Variants in SEC24D observed in about 807,000 individuals in gnomAD.
The protein encoded by SEC24D is protein transport protein Sec24D.
In SEC24D, 69 loss-of-function variants were observed where a neutral mutation model predicts 116.9. The observed-to-expected ratio is 0.59, with a 90% CI of 0.49 to 0.72. The LOEUF is 0.72. SEC24D is among the 30% of genes least tolerant of loss of function. SEC24D has a pLI of 0.00. For synonymous variants in SEC24D, 405 were observed against 442.8 expected (o/e 0.91, Z 1.07); for missense variants, 1,131 against 1,264.1 (o/e 0.89, Z 1.60).
At chr4:118,765,210 T>C (rs1017275418) in intron 9 of SEC24D, among the ~76,000 whole-genome samples, 20 of 152,360 alleles carry the variant, frequency 1.3e-4, no homozygotes, top group East Asian at 3.9e-4. Context: ...CCAAATTCAA[T>C]TGTCCCCATT....
At chr4:118,809,544 C>G (rs1729816618) in intron 6 of SEC24D, among the ~76,000 whole-genome samples, 1 of 152,156 alleles carries the variant, frequency 6.6e-6, no homozygotes, top group Admixed American at 6.5e-5. Context: ...CTGACCATCA[C>G]TATATCATTA....
intron 19 of SEC24D, chr4:118,733,272 A>T (rs1214853273): frequency 1.2e-5 from 2 of 172,414 alleles, no homozygotes; most frequent in Admixed American, 5.9e-5. Context: ...AATATGGAAT[A>T]ATAGTATATC....
intron 3 of SEC24D, among the ~76,000 whole-genome samples, chr4:118,821,665 T>C (rs751062483): frequency 2.4e-4 from 37 of 152,248 alleles, no homozygotes; most frequent in Non-Finnish European, 4.7e-4. Flanking sequence ...TTTGGTATAC[T>C]AAGTACAAAT....
intron 3 of SEC24D, among the ~76,000 whole-genome samples, chr4:118,819,074 G>A (rs1730278602): frequency 6.6e-6 from 1 of 152,050 alleles, no homozygotes; most frequent in South Asian, 2.1e-4. Context: ...TGAAACACAA[G>A]CACAAAAAAT....
intron 15 of SEC24D, among the ~76,000 whole-genome samples, chr4:118,742,370 A>G (rs561019907): frequency 1.5e-3 from 193 of 126,810 alleles, no homozygotes; most frequent in South Asian, 6.4e-3. Flanking sequence ...CTTTTTGGAA[A>G]AGTGGGGGGG....
rs564304692 is a variant in SEC24D, at chr4:118,794,663, G to C, written c.1041+3020C>G. Among the ~76,000 whole-genome samples, 3 of 152,344 alleles carry C rather than the reference G, an allele frequency of 2.0e-5. No homozygotes were observed. The South Asian group carries it at 6.2e-4, about 32-fold the overall frequency. ...ATAAGTCAGAGGCTGCACATGTGTA[G>C]CAACCCCATCCCCCTGAGAAAAGCT... On this transcript the variant is annotated intron_variant, in intron 8 of 22. Transcript: ENST00000280551.
In SEC24D at chr4:118,787,096, A is replaced by ATTC. The variant is rs1342452010; in HGVS notation, c.1041+10584_1041+10586dup. 2.0e-5 allele frequency among the ~76,000 whole-genome samples: 3 copies of ATTC among 152,350 alleles called. No individual in the cohort carries two copies. The South Asian group carries it at 6.2e-4, about 32-fold the overall frequency. Reference sequence around the variant, plus strand: ...GAACACTGTTCTAAAAAGGGATAATATTCTGTTCTTCAGCTGCCAAACTTT... The same window carrying ATTC: ...GAACACTGTTCTAAAAAGGGATAATATTCTTCTGTTCTTCAGCTGCCAAACTTT... On this transcript the variant is annotated intron_variant, in intron 8 of 22. Transcript: ENST00000280551.
chr4:118,738,101 C>T, intron 19 of SEC24D, 160 bp downstream of exon 19: 1 of 506,692 alleles, frequency 2.0e-6, no homozygotes. Context: ...AAAAAAAAAA[C>T]CACAGCCCCC....
At chr4:118,788,316 A>C (rs1026602304) in intron 8 of SEC24D, among the ~76,000 whole-genome samples, 2 of 152,230 alleles carry the variant, frequency 1.3e-5, no homozygotes, top group African/African-American at 4.8e-5. Context: ...AGCTTTCTGG[A>C]TTTATGAGAT....
chr4:118,753,874 T>G (rs1404066994), intron 11 of SEC24D, among the ~76,000 whole-genome samples: 3 of 152,176 alleles, frequency 2.0e-5, no homozygotes, highest in African/African-American at 7.2e-5. Context: ...ATAACTTATT[T>G]TGATTAAAGG....
At chr4:118,769,061 T>C (rs980031231) in intron 8 of SEC24D, among the ~76,000 whole-genome samples, 21 of 152,222 alleles carry the variant, frequency 1.4e-4, no homozygotes, top group Non-Finnish European at 5.9e-5. Flanking sequence ...ATGCTGTCTA[T>C]GTAGTTCCCC....
chr4:118,820,010 C>T (rs972406063), intron 3 of SEC24D, among the ~76,000 whole-genome samples: 1 of 151,898 alleles, frequency 6.6e-6, no homozygotes, highest in African/African-American at 2.4e-5. Flanking sequence ...TTCTTTCTGA[C>T]CAACTTAAAT....
At chr4:118,834,333 G>C (rs950014720) in intron 1 of SEC24D, among the ~76,000 whole-genome samples, 1 of 152,092 alleles carries the variant, frequency 6.6e-6, no homozygotes, top group Non-Finnish European at 1.5e-5. Context: ...TGTTGTCAGT[G>C]GTTTTTCAAA....
chr4:118,792,027 G>A (rs990172633), intron 8 of SEC24D, among the ~76,000 whole-genome samples: 4 of 150,338 alleles, frequency 2.7e-5, no homozygotes, highest in African/African-American at 9.8e-5. Flanking sequence ...GCCTCATCCC[G>A]TCTAGGAAGT....
chr4:118,804,693 A>T (rs1373672716), intron 7 of SEC24D, among the ~76,000 whole-genome samples: 1 of 152,072 alleles, frequency 6.6e-6, no homozygotes, highest in Non-Finnish European at 1.5e-5. Context: ...CTAAGTAATG[A>T]GGAAGAAACA....
chr4:118,772,555 C>T (rs1430197371), intron 8 of SEC24D, among the ~76,000 whole-genome samples: 2 of 152,092 alleles, frequency 1.3e-5, no homozygotes, highest in Non-Finnish European at 2.9e-5. Context: ...AATCCTCTGC[C>T]GACTTTCCTT....
At chr4:118,792,197 G>A (rs1257507740) in intron 8 of SEC24D, among the ~76,000 whole-genome samples, 1 of 150,920 alleles carries the variant, frequency 6.6e-6, no homozygotes, top group African/African-American at 2.4e-5. Flanking sequence ...GGGAGGTGAG[G>A]AGCGTCTCTG....
intron 8 of SEC24D, among the ~76,000 whole-genome samples, chr4:118,780,819 T>G (rs1728363488): frequency 6.6e-6 from 1 of 152,034 alleles, no homozygotes; most frequent in Admixed American, 6.5e-5. Flanking sequence ...GTTGAATTGA[T>G]CCCTTTACCA....
chr4:118,795,305 T>A (rs918844972), intron 8 of SEC24D, among the ~76,000 whole-genome samples: 2 of 150,926 alleles, frequency 1.3e-5, no homozygotes, highest in Non-Finnish European at 3.0e-5. Flanking sequence ...ACCTCCTGGG[T>A]TCAAGCAATT....
Sources: gnomAD v4.1 joint callset for allele counts (sites outside exome capture counted in the v4.1 genomes callset) on GRCh38, gnomAD v4.1.1 for gene constraint, MANE v1.5 for transcripts, NCBI Gene and HGNC (gene_info 2026-07-23, HGNC 2026-07-21) for gene names.